The following FRMD4A variants were observed in gnomAD, a reference collection of about 807,000 sequenced individuals.
The protein encoded by FRMD4A is FERM domain-containing protein 4A.
A neutral mutation model predicts 129.1 loss-of-function variants in FRMD4A; 29 were observed. The ratio of observed to expected loss-of-function variants is 0.22; its 90% CI spans 0.17 to 0.31. The LOEUF (loss-of-function observed/expected upper bound fraction) is 0.31, where lower values mean the gene tolerates loss of function less well. FRMD4A is among the 10% of genes least tolerant of loss of function. FRMD4A has a pLI of 1.00. For missense variants in FRMD4A, 1,272 were observed against 1,375.8 expected (o/e 0.92, Z 1.19); for synonymous variants, 634 against 571.6 (o/e 1.11, Z -1.56).
intron 2 of FRMD4A, among the ~76,000 whole-genome samples, chr10:13,964,486 TG>T (rs1485386442): frequency 7.1e-5 from 2 of 28,198 alleles, no homozygotes; most frequent in African/African-American, 1.0e-4. Flanking sequence ...TGGGGGTGGG[TG>T]GGGAGGCAAT....
intron 2 of FRMD4A, among the ~76,000 whole-genome samples, chr10:13,998,565 G>A (rs1437889801): frequency 1.3e-5 from 2 of 152,066 alleles, no homozygotes; most frequent in African/African-American, 4.8e-5. Flanking sequence ...AGTCTCTCCC[G>A]CCCAGGCTGT....
chr10:14,065,391 G>T (rs780072576), intron 2 of FRMD4A, among the ~76,000 whole-genome samples: 3 of 152,058 alleles, frequency 2.0e-5, no homozygotes, highest in African/African-American at 7.2e-5. Context: ...CACCATGTTC[G>T]CCAGGCTGGT....
At chr10:14,276,692 A>G (rs2065904208) in intron 2 of FRMD4A, among the ~76,000 whole-genome samples, 2 of 152,030 alleles carry the variant, frequency 1.3e-5, no homozygotes, top group South Asian at 4.2e-4. Flanking sequence ...GGATCCTCGC[A>G]TCTCCAGAGC....
intron 2 of FRMD4A, chr10:14,007,051 T>TA (rs1491486908): frequency 1.3e-5 from 2 of 152,040 alleles, no homozygotes; most frequent in Non-Finnish European, 2.9e-5. Context: ...TTTTTTTTTT[T>TA]AAATAAAACA....
chr10:13,739,816 A>G (rs2135049658), intron 11 of FRMD4A, among the ~76,000 whole-genome samples: 1 of 152,158 alleles, frequency 6.6e-6, no homozygotes, highest in Admixed American at 6.5e-5. Flanking sequence ...AAAAACAATG[A>G]GGGCCAGGCG....
intron 17 of FRMD4A, chr10:13,668,239 A>G (rs1589279882): frequency 6.6e-6 from 1 of 152,392 alleles, no homozygotes; most frequent in East Asian, 1.9e-4. Flanking sequence ...AAGAATATCA[A>G]CATGGACTCC....
chr10:13,864,875 C>A (rs1037120062), intron 2 of FRMD4A, among the ~76,000 whole-genome samples: 1 of 152,158 alleles, frequency 6.6e-6, no homozygotes, highest in Non-Finnish European at 1.5e-5. Context: ...CCGCACCTGG[C>A]CTGCAAAATA....
chr10:14,252,433 G>A (rs1282018807), intron 2 of FRMD4A, among the ~76,000 whole-genome samples: 1 of 152,212 alleles, frequency 6.6e-6, no homozygotes, highest in Non-Finnish European at 1.5e-5. Context: ...TGTCTCTTTA[G>A]TAACAGTTCT....
chr10:13,983,133 G>T (rs528691749), intron 2 of FRMD4A, among the ~76,000 whole-genome samples: 4 of 152,182 alleles, frequency 2.6e-5, no homozygotes, highest in South Asian at 2.1e-4. Context: ...GCTAATTTTT[G>T]TATTTTTAGT....
intron 15 of FRMD4A, among the ~76,000 whole-genome samples, chr10:13,680,457 G>A (rs997322981): frequency 4.6e-5 from 7 of 152,120 alleles, no homozygotes; most frequent in East Asian, 1.9e-4. Context: ...GCTGGGTGTC[G>A]TGGCTCATGC....
intron 15 of FRMD4A, among the ~76,000 whole-genome samples, chr10:13,691,851 T>C (rs2085727717): frequency 6.6e-6 from 1 of 152,150 alleles, no homozygotes; most frequent in South Asian, 2.1e-4. Context: ...AAACAAGGTG[T>C]TGGCTCTGAC....
intron 2 of FRMD4A, among the ~76,000 whole-genome samples, chr10:14,141,558 C>G (rs1589063039): frequency 1.4e-5 from 2 of 143,312 alleles, no homozygotes; most frequent in East Asian, 4.3e-4. Context: ...ATTGCTCCAC[C>G]TTCTGCCCCT....
At chr10:14,227,412 C>T (rs140542717) in intron 2 of FRMD4A, among the ~76,000 whole-genome samples, 24 of 151,950 alleles carry the variant, frequency 1.6e-4, no homozygotes, top group Admixed American at 5.2e-4. Flanking sequence ...CCACTAACCC[C>T]GGCTAATTTT....
At chr10:13,837,586 C>A (rs1387816741) in intron 3 of FRMD4A, among the ~76,000 whole-genome samples, 1 of 152,244 alleles carries the variant, frequency 6.6e-6, no homozygotes, top group Non-Finnish European at 1.5e-5. Context: ...CCAGATGAGG[C>A]AGCTTCTAAT....
At chr10:13,689,138 A>G (rs563701325) in intron 15 of FRMD4A, among the ~76,000 whole-genome samples, 6 of 144,668 alleles carry the variant, frequency 4.1e-5, no homozygotes, top group African/African-American at 1.5e-4. Context: ...AAAGTTACTA[A>G]TAGTTTAGAA....
chr10:13,706,792 CAT>C (rs2087497097), intron 13 of FRMD4A, among the ~76,000 whole-genome samples: 1 of 136,312 alleles, frequency 7.3e-6, no homozygotes, highest in South Asian at 2.5e-4. Context: ...GCCAGGGACA[CAT>C]GTGGCCAGAT....
chr10:13,711,608 G>A (rs956791669), intron 12 of FRMD4A, among the ~76,000 whole-genome samples: 4 of 152,220 alleles, frequency 2.6e-5, no homozygotes, highest in African/African-American at 7.2e-5. Flanking sequence ...TATATCCAAG[G>A]AGCTAATTAA....
At chr10:14,302,781 T>C (rs941126633) in intron 2 of FRMD4A, among the ~76,000 whole-genome samples, 1 of 152,244 alleles carries the variant, frequency 6.6e-6, no homozygotes, top group African/African-American at 2.4e-5. Flanking sequence ...AGGAACTGTA[T>C]ACTTGTGCAT....
intron 2 of FRMD4A, among the ~76,000 whole-genome samples, chr10:14,219,496 C>T (rs538746263): frequency 5.9e-5 from 9 of 152,274 alleles, no homozygotes; most frequent in East Asian, 3.9e-4. Context: ...ATGAGGGACC[C>T]GTGCTTGGAG....
Sources: gnomAD v4.1 joint callset for allele counts (sites outside exome capture counted in the v4.1 genomes callset) on GRCh38, gnomAD v4.1.1 for gene constraint, MANE v1.5 for transcripts, NCBI Gene and HGNC (gene_info 2026-07-23, HGNC 2026-07-21) for gene names.